LRFN2: variants seen among roughly 807,000 people sequenced by gnomAD.
The protein encoded by LRFN2 is leucine rich repeat and fibronectin type III domain containing 2.
Under a neutral mutation model 37.3 loss-of-function variants are expected in LRFN2, and 18 were observed. The observed-to-expected ratio is 0.48, with a 90% CI of 0.33 to 0.72. The LOEUF (loss-of-function observed/expected upper bound fraction) is 0.72. LRFN2 is among the 30% of genes least tolerant of loss of function. The pLI, the probability that LRFN2 is intolerant of heterozygous loss-of-function variation, is 0.02. For missense variants in LRFN2, 1,006 were observed against 1,060.7 expected (o/e 0.95, Z 0.72); for synonymous variants, 556 against 466.6 (o/e 1.19, Z -2.47).
At chr6:40,583,200 A>T (rs572080739) in intron 1 of LRFN2, among the ~76,000 whole-genome samples, 2 of 45,286 alleles carry the variant, frequency 4.4e-5, no homozygotes, top group African/African-American at 1.4e-4. Flanking sequence ...GTATATATAG[A>T]CATATATATA....
chr6:40,416,256 G>A (rs927886712), intron 2 of LRFN2, among the ~76,000 whole-genome samples: 10 of 152,304 alleles, frequency 6.6e-5, no homozygotes, highest in Non-Finnish European at 1.0e-4. Flanking sequence ...TGATCTGCCC[G>A]CCTCAGCCTC....
At chr6:40,486,191 G>T (rs922320220) in intron 1 of LRFN2, among the ~76,000 whole-genome samples, 2 of 152,226 alleles carry the variant, frequency 1.3e-5, no homozygotes, top group African/African-American at 4.8e-5. Context: ...AAAGATGCAG[G>T]TGTGGGCAGT....
chr6:40,540,872 T>G (rs763937218), intron 1 of LRFN2, among the ~76,000 whole-genome samples: 3 of 152,090 alleles, frequency 2.0e-5, no homozygotes, highest in Non-Finnish European at 2.9e-5. Context: ...ACTGGCAAAC[T>G]AAAGCCCTTT....
intron 1 of LRFN2, among the ~76,000 whole-genome samples, chr6:40,434,688 G>A (rs1763601651): frequency 6.6e-6 from 1 of 151,612 alleles, no homozygotes; most frequent in Admixed American, 6.6e-5. Context: ...ATGTTGGCTG[G>A]GCTGTTCTCA....
chr6:40,542,232 C>A (rs902123982), intron 1 of LRFN2, among the ~76,000 whole-genome samples: 1 of 152,160 alleles, frequency 6.6e-6, no homozygotes, highest in Admixed American at 6.5e-5. Flanking sequence ...ACACACCCTG[C>A]GATGAGCTTT....
chr6:40,486,763 A>G (rs910847629), intron 1 of LRFN2, among the ~76,000 whole-genome samples: 1 of 152,208 alleles, frequency 6.6e-6, no homozygotes, highest in African/African-American at 2.4e-5. Flanking sequence ...GAATCCCACA[A>G]GGGTGTGTAC....
In LRFN2 at chr6:40,459,185, C is replaced by T. The variant is rs188795179; in HGVS notation, c.-18-26054G>A. Among the ~76,000 whole-genome samples, 320 of 152,312 alleles carry T rather than the reference C, an allele frequency of 2.1e-3. 1 individual carries two copies. The highest frequency in any genetic ancestry group is 2.8e-3 in the Non-Finnish European group (193 of 68,028). On this transcript the variant is annotated intron_variant, in intron 1 of 2. Coordinates refer to ENST00000338305, the MANE Select transcript of LRFN2 (RefSeq NM_020737.3). ...GACTAGGCAGGCAGGTTGCAGGGCA[C>T]TGAAGGGTGCCCTTTGGGTCTCACT...
chr6:40,396,026 C>A (rs916091655), intron 2 of LRFN2, among the ~76,000 whole-genome samples: 14 of 152,008 alleles, frequency 9.2e-5, no homozygotes, highest in Admixed American at 7.9e-4. Context: ...TATTTAGCCA[C>A]CTTCTCCTGG....
At chr6:40,486,738 T>TG (rs1764967588) in intron 1 of LRFN2, among the ~76,000 whole-genome samples, 1 of 152,094 alleles carries the variant, frequency 6.6e-6, no homozygotes, top group Non-Finnish European at 1.5e-5. Context: ...GTCAAGCCAA[T>TG]GGGGATACGC....
intron 1 of LRFN2, chr6:40,501,488 T>A (rs1765381144): frequency 6.6e-6 from 1 of 151,276 alleles, no homozygotes; most frequent in Non-Finnish European, 1.5e-5. Context: ...CTGGCTAATT[T>A]TTTTTTTTTT....
intron 1 of LRFN2, among the ~76,000 whole-genome samples, chr6:40,509,253 T>G (rs1765627032): frequency 6.6e-6 from 1 of 152,240 alleles, no homozygotes; most frequent in Non-Finnish European, 1.5e-5. Context: ...TTAACACACA[T>G]AAGTTCCTGC....
intron 1 of LRFN2, among the ~76,000 whole-genome samples, chr6:40,512,072 T>A (rs1035793464): frequency 6.6e-6 from 1 of 152,152 alleles, no homozygotes; most frequent in Non-Finnish European, 1.5e-5. Flanking sequence ...ACGCTTAAAA[T>A]CCAGATCATC....
At chr6:40,468,789 C>T (rs1162379976) in intron 1 of LRFN2, among the ~76,000 whole-genome samples, 3 of 152,154 alleles carry the variant, frequency 2.0e-5, no homozygotes, top group African/African-American at 7.2e-5. Flanking sequence ...TACCCCATCT[C>T]CTCATGCATG....
At chr6:40,534,808 G>T (rs1766419422) in intron 1 of LRFN2, among the ~76,000 whole-genome samples, 1 of 152,108 alleles carries the variant, frequency 6.6e-6, no homozygotes, top group South Asian at 2.1e-4. Context: ...GGGACCTCTT[G>T]GCCAAGACCA....
At chr6:40,528,660 G>A (rs189446798) in intron 1 of LRFN2, among the ~76,000 whole-genome samples, 1 of 152,114 alleles carries the variant, frequency 6.6e-6, no homozygotes, top group South Asian at 2.1e-4. Flanking sequence ...ACTTACGATG[G>A]GTTTAGGTTT....
intron 1 of LRFN2, among the ~76,000 whole-genome samples, chr6:40,545,543 T>C (rs1165013771): frequency 6.6e-6 from 1 of 151,808 alleles, no homozygotes. Context: ...CTGCCTGCAG[T>C]GGAGTGGTGG....
chr6:40,585,030 C>T (rs1358234150), intron 1 of LRFN2, among the ~76,000 whole-genome samples: 1 of 152,108 alleles, frequency 6.6e-6, no homozygotes, highest in Admixed American at 6.5e-5. Flanking sequence ...TCCCCAGCTT[C>T]TCACGTTTCT....
chr6:40,559,725 C>A (rs777617436), intron 1 of LRFN2, among the ~76,000 whole-genome samples: 28 of 152,162 alleles, frequency 1.8e-4, no homozygotes, highest in Non-Finnish European at 3.5e-4. Flanking sequence ...GCATGTCCTA[C>A]CCTAGCTGCC....
chr6:40,434,052 T>C lies in LRFN2; in HGVS notation c.-18-921A>G, dbSNP rs117576544. Among the ~76,000 whole-genome samples, 13 of 152,318 alleles carry C rather than the reference T, an allele frequency of 8.5e-5. No individual in the cohort carries two copies. In the East Asian group the frequency reaches 2.5e-3, roughly 29 times the overall value. ...ATCATCCCTGCCCCGCCCCGCTGCATAGCCCTCTTCTCTGCTCTGTATTTT... is the reference window on the plus strand; with the variant it reads ...ATCATCCCTGCCCCGCCCCGCTGCACAGCCCTCTTCTCTGCTCTGTATTTT... On this transcript the variant is annotated intron_variant, in intron 1 of 2. Coordinates refer to ENST00000338305, the MANE Select transcript of LRFN2 (RefSeq NM_020737.3).
Sources: gnomAD v4.1 joint callset for allele counts (sites outside exome capture counted in the v4.1 genomes callset) on GRCh38, gnomAD v4.1.1 for gene constraint, MANE v1.5 for transcripts, NCBI Gene and HGNC (gene_info 2026-07-23, HGNC 2026-07-21) for gene names.